The following LY96 variants were observed in gnomAD, a reference collection of about 807,000 sequenced individuals.
LY96 encodes myeloid differentiation protein-2.
LY96 carries 18 observed loss-of-function variants against 18.9 expected under a neutral mutation model. That is an observed-to-expected ratio of 0.95 (90% CI 0.66 to 1.41). LY96 has a LOEUF of 1.41. Among genes scored for constraint, LY96 ranks in the 40% most tolerant of loss-of-function variants. LY96 has a pLI of 0.00. For synonymous variants in LY96, 66 were observed against 62.6 expected (o/e 1.06, Z -0.26); for missense variants, 175 against 182.4 (o/e 0.96, Z 0.23).
intron 3 of LY96, among the ~76,000 whole-genome samples, chr8:74,025,969 T>C (rs1816863605): frequency 6.6e-6 from 1 of 151,812 alleles, no homozygotes; most frequent in Admixed American, 6.6e-5. Flanking sequence ...GATCACGCCA[T>C]TGTACTCCGG....
At chr8:74,020,309 C>T (rs1816732463) in intron 3 of LY96, among the ~76,000 whole-genome samples, 1 of 152,150 alleles carries the variant, frequency 6.6e-6, no homozygotes, top group South Asian at 2.1e-4. Context: ...TGAGTGAACT[C>T]CCATTCACAA....
At chr8:74,064,445 G>A in the LY96 span, among the ~76,000 whole-genome samples, 1 of 152,140 alleles carries the variant, frequency 6.6e-6, no homozygotes, top group South Asian at 2.1e-4. Context: ...CACTCTATTA[G>A]ATCACAAGAG....
the LY96 span, among the ~76,000 whole-genome samples, chr8:74,086,981 C>G: frequency 1.3e-5 from 2 of 152,212 alleles, no homozygotes; most frequent in Admixed American, 1.3e-4. Flanking sequence ...TTTGTTGCAG[C>G]AGCCCATATG....
At chr8:74,078,118 A>AGG in the LY96 span, among the ~76,000 whole-genome samples, 13 of 152,128 alleles carry the variant, frequency 8.5e-5, no homozygotes, top group African/African-American at 3.1e-4. Context: ...AATAAAAAAA[A>AGG]AAAAAAAAGA....
At chr8:74,018,962 G>A (rs1206926375) in intron 3 of LY96, among the ~76,000 whole-genome samples, 3 of 152,124 alleles carry the variant, frequency 2.0e-5, no homozygotes, top group Non-Finnish European at 2.9e-5. Flanking sequence ...ATGCCCACAA[G>A]AGAAAGCAGA....
the LY96 span, among the ~76,000 whole-genome samples, chr8:74,044,815 T>A: frequency 6.6e-6 from 1 of 152,248 alleles, no homozygotes; most frequent in African/African-American, 2.4e-5. Flanking sequence ...GGTTTCTGTC[T>A]CATACATTTC....
intron 3 of LY96, among the ~76,000 whole-genome samples, chr8:74,023,038 T>C (rs1487049956): frequency 1.3e-5 from 2 of 152,146 alleles, no homozygotes; most frequent in African/African-American, 4.8e-5. Flanking sequence ...GTGATCATAG[T>C]CTTGAAATTC....
At chr8:73,993,384 T>TCC (rs958808145) in intron 1 of LY96, among the ~76,000 whole-genome samples, 23 of 151,946 alleles carry the variant, frequency 1.5e-4, no homozygotes, top group Non-Finnish European at 2.6e-4. Flanking sequence ...CAAGCCATCC[T>TCC]CCCAGCTCAG....
chr8:74,028,657 A>G (rs991924897), intron 4 of LY96, among the ~76,000 whole-genome samples: 8 of 152,180 alleles, frequency 5.3e-5, no homozygotes, highest in Non-Finnish European at 1.5e-5. Context: ...ACTTATGGTG[A>G]CCATTTTAAA....
rs184677233 is a variant in LY96, at chr8:74,019,633, A to G, written c.332-7156A>G. 5.3e-5 allele frequency among the ~76,000 whole-genome samples: 8 copies of G among 152,340 alleles called. No homozygotes were observed. The East Asian group carries it at 1.5e-3, about 29-fold the overall frequency. On this transcript the variant is annotated intron_variant, in intron 3 of 4. Coordinates refer to ENST00000284818, the MANE Select transcript of LY96 (RefSeq NM_015364.5). ...ACACAACAAAAAAAGAGAATTTTAG[A>G]CCAATATTCCTAATGAACATCGATG...
At chr8:74,051,577 G>A in the LY96 span, among the ~76,000 whole-genome samples, 1 of 152,126 alleles carries the variant, frequency 6.6e-6, no homozygotes, top group Non-Finnish European at 1.5e-5. Flanking sequence ...CAAAATTCCT[G>A]TGTTGCAATC....
chr8:74,089,226 C>T, the LY96 span, among the ~76,000 whole-genome samples: 1,443 of 152,308 alleles, frequency 9.5e-3, 22 homozygotes, highest in Admixed American at 0.038. Context: ...GTTTATCTTT[C>T]GATGGATTTT....
At chr8:74,082,180 A>G in the LY96 span, among the ~76,000 whole-genome samples, 1 of 152,224 alleles carries the variant, frequency 6.6e-6, no homozygotes, top group African/African-American at 2.4e-5. Flanking sequence ...TGAATAAAAC[A>G]TGGTCCCTCA....
the LY96 span, among the ~76,000 whole-genome samples, chr8:74,054,480 C>A: frequency 6.6e-6 from 1 of 151,734 alleles, no homozygotes; most frequent in Admixed American, 6.6e-5. Context: ...AACCGAGGTT[C>A]CTCATTTTCT....
chr8:74,096,129 C>T, the LY96 span, among the ~76,000 whole-genome samples: 482 of 152,326 alleles, frequency 3.2e-3, 4 homozygotes, highest in African/African-American at 0.011. Context: ...CCACTTCTTA[C>T]TATCTCCACT....
Position 74,029,045 on chromosome 8 carries a change from T to C in LY96, c.474T>C (p.Asn158=), listed in dbSNP as rs1252108225. Residue 158 remains asparagine (N), a synonymous_variant, in exon 5 of 5, where the codon AAT becomes AAC. Transcript: ENST00000284818. ...CLEFVILHQP[N]SN Reference sequence around the variant, plus strand: ...AGTTTGTCATCCTACACCAACCTAATTCAAATTAGAATAAATTGAGTATTT... The same window carrying C: ...AGTTTGTCATCCTACACCAACCTAACTCAAATTAGAATAAATTGAGTATTT... The C allele has an allele frequency of 6.3e-7, 1 of 1,598,372 alleles. No individual in the cohort carries two copies. Among genetic ancestry groups the C allele is most frequent in the East Asian group, 2.2e-5 (1 of 44,760 alleles).
chr8:74,077,071 C>G, the LY96 span, among the ~76,000 whole-genome samples: 1 of 152,152 alleles, frequency 6.6e-6, no homozygotes, highest in Non-Finnish European at 1.5e-5. Context: ...AAGGACACAC[C>G]TCTAGAAAAT....
chr8:74,065,368 T>C, the LY96 span, among the ~76,000 whole-genome samples: 1 of 152,238 alleles, frequency 6.6e-6, no homozygotes, highest in African/African-American at 2.4e-5. Flanking sequence ...TAGAGTTTGG[T>C]TCTTTTCATC....
At chr8:74,098,502 A>G in the LY96 span, among the ~76,000 whole-genome samples, 2 of 152,188 alleles carry the variant, frequency 1.3e-5, no homozygotes, top group East Asian at 1.9e-4. Flanking sequence ...CAGCCTCCTA[A>G]GAAGTTGGGA....
Sources: gnomAD v4.1 joint callset for allele counts (sites outside exome capture counted in the v4.1 genomes callset) on GRCh38, gnomAD v4.1.1 for gene constraint, MANE v1.5 for transcripts, NCBI Gene and HGNC (gene_info 2026-07-23, HGNC 2026-07-21) for gene names.